The following NFKB1 variants were observed in gnomAD, a reference collection of about 807,000 sequenced individuals.
The protein encoded by NFKB1 is nuclear factor NF-kappa-B p105 subunit.
Under a neutral mutation model 105.1 loss-of-function variants are expected in NFKB1, and 9 were observed. The observed-to-expected ratio is 0.09, with a 90% CI of 0.05 to 0.15. The LOEUF (loss-of-function observed/expected upper bound fraction) is 0.15. Ranked by LOEUF, NFKB1 falls within the 10% of genes least tolerant of loss-of-function variation. NFKB1 has a pLI of 1.00. For missense variants in NFKB1, 830 were observed against 1,203.7 expected, an observed-to-expected ratio of 0.69 and a Z score of 4.59; for synonymous variants, 440 against 442.2, an observed-to-expected ratio of 1.00 and a Z score of 0.06.
chr4:102,527,156 A>G (rs1740970956), intron 2 of NFKB1, among the ~76,000 whole-genome samples: 1 of 152,198 alleles, frequency 6.6e-6, no homozygotes, highest in Non-Finnish European at 1.5e-5. Flanking sequence ...TATACACTCT[A>G]ATTTCAGGAA....
At chr4:102,575,258 A>C (rs1724721708) in intron 6 of NFKB1, among the ~76,000 whole-genome samples, 1 of 152,124 alleles carries the variant, frequency 6.6e-6, no homozygotes, top group African/African-American at 2.4e-5. Flanking sequence ...TTAGCTATCC[A>C]CTTTTTTCAT....
intron 2 of NFKB1, among the ~76,000 whole-genome samples, chr4:102,526,177 C>G (rs1215255107): frequency 6.6e-6 from 1 of 152,154 alleles, no homozygotes; most frequent in Non-Finnish European, 1.5e-5. Flanking sequence ...TGCGAAGACC[C>G]TATTTCCAAA....
At chr4:102,518,670 G>T (rs998299615) in intron 1 of NFKB1, among the ~76,000 whole-genome samples, 1 of 152,028 alleles carries the variant, frequency 6.6e-6, no homozygotes, top group Non-Finnish European at 1.5e-5. Flanking sequence ...AGTTCATCTG[G>T]CCTGGCCTGC....
chr4:102,603,279 G>A (rs1050319307), intron 16 of NFKB1, among the ~76,000 whole-genome samples: 1 of 152,052 alleles, frequency 6.6e-6, no homozygotes, highest in Non-Finnish European at 1.5e-5. Flanking sequence ...CACCATGTTG[G>A]TCTGGCTGGT....
intron 7 of NFKB1, 101 bp downstream of exon 7, chr4:102,577,140 C>G: frequency 8.2e-7 from 1 of 1,224,102 alleles, no homozygotes; most frequent in Non-Finnish European, 1.1e-6. Flanking sequence ...AGTCTCTACC[C>G]CACACTGCTG....
intron 6 of NFKB1, among the ~76,000 whole-genome samples, chr4:102,575,344 A>T (rs1202767447): frequency 6.6e-6 from 1 of 151,472 alleles, no homozygotes; most frequent in African/African-American, 2.4e-5. Context: ...TATAACTCCT[A>T]TTTTCTTCCC....
chr4:102,607,534 C>A, intron 18 of NFKB1, 115 bp from the exon 19 acceptor site: 1 of 1,230,940 alleles, frequency 8.1e-7, no homozygotes, highest in Non-Finnish European at 1.2e-6. Context: ...CAGAGCCAGC[C>A]CAAAGTAGCA....
chr4:102,600,587 C>A (rs1727061057), intron 15 of NFKB1, among the ~76,000 whole-genome samples: 1 of 152,104 alleles, frequency 6.6e-6, no homozygotes, highest in African/African-American at 2.4e-5. Context: ...GGGATTTAAG[C>A]TTAGGTCTTT....
intron 7 of NFKB1, 21 bp downstream of exon 7, chr4:102,577,060 C>G (rs772378391): frequency 6.9e-6 from 11 of 1,602,952 alleles, no homozygotes; most frequent in South Asian, 5.6e-5. Flanking sequence ...TTTTCCTGGC[C>G]TTGATCCTCC....
intron 6 of NFKB1, among the ~76,000 whole-genome samples, chr4:102,572,794 G>GA (rs765393341): frequency 5.9e-5 from 9 of 152,132 alleles, no homozygotes; most frequent in Non-Finnish European, 8.8e-5. Flanking sequence ...TTTTAAATCA[G>GA]AAAAAAGGTG....
intron 5 of NFKB1, among the ~76,000 whole-genome samples, chr4:102,546,878 A>G (rs917494562): frequency 6.6e-6 from 1 of 152,192 alleles, no homozygotes; most frequent in African/African-American, 2.4e-5. Context: ...TTGAGAATCA[A>G]TAACTACAAG....
In NFKB1 at chr4:102,606,796, T is replaced by C. The variant is rs191540634; in HGVS notation, c.1954+99T>C. ...GTGTTATTTGATTTGCACCCAAAAG[T>C]GCTTTCCTTAGTCACCTGGAGTTCA... On this transcript the variant is annotated intron_variant, in intron 17 of 23. Coordinates refer to ENST00000226574, the MANE Select transcript of NFKB1 (RefSeq NM_003998.4). The C allele has an allele frequency of 1.5e-5, 20 of 1,327,476 alleles. No individual in the cohort carries two copies. The African/African-American group carries it at 2.6e-4, about 17-fold the overall frequency. 82.2% of individuals were successfully genotyped at this position (1,327,476 alleles called of 1,614,324 possible). A position where few individuals can be genotyped will look rare whatever the true frequency, so the allele number is the denominator to read the frequency against.
At chr4:102,525,004 A>G (rs751196166) in intron 1 of NFKB1, among the ~76,000 whole-genome samples, 1 of 152,168 alleles carries the variant, frequency 6.6e-6, no homozygotes, top group Non-Finnish European at 1.5e-5. Flanking sequence ...AGCCTGGTAC[A>G]CTATAGCAGT....
chr4:102,526,896 T>C (rs1436357424), intron 2 of NFKB1, among the ~76,000 whole-genome samples: 1 of 151,768 alleles, frequency 6.6e-6, no homozygotes, highest in East Asian at 1.9e-4. Context: ...AAACCGACAT[T>C]TTCGCTTTTC....
At chr4:102,511,034 T>C in intron 1 of NFKB1, 2 of 918,394 alleles carry the variant, frequency 2.2e-6, no homozygotes, top group Non-Finnish European at 2.9e-6. Context: ...AGGGGAAGCA[T>C]TGCTTGTTTA....
At chr4:102,518,908 C>G (rs4235404) in intron 1 of NFKB1, among the ~76,000 whole-genome samples, 40,760 of 152,140 alleles carry the variant, frequency 0.27, 6,759 homozygotes, top group Admixed American at 0.41. Flanking sequence ...ATGATCATTG[C>G]AAGGCCTCTT....
rs4648061 is a variant in NFKB1 at position 102,595,040 on chromosome 4, G to C, written c.1300+59G>C. 890 of 1,206,298 alleles carry C rather than the reference G, an allele frequency of 7.4e-4. 4 individuals carry two copies. In the African/African-American group the frequency reaches 0.012, roughly 16 times the overall value. 74.7% of individuals were successfully genotyped at this position (1,206,298 alleles called of 1,614,324 possible). ...GAAAAAAATAATTAATGCTAAAAAG[G>C]GTTTTTAAAATCATTACTTATCACA... On this transcript the variant is annotated intron_variant, in intron 13 of 23. Transcript: ENST00000226574.
At chr4:102,612,844 C>T (rs958255915) in intron 22 of NFKB1, among the ~76,000 whole-genome samples, 12 of 152,080 alleles carry the variant, frequency 7.9e-5, no homozygotes, top group African/African-American at 2.7e-4. Flanking sequence ...TGTGAAAATG[C>T]TACGTAGAGG....
Position 102,601,019 on chromosome 4 carries a change from A to G in NFKB1, c.1752+10A>G, listed in dbSNP as rs772681927. The G allele has an allele frequency of 6.8e-7, 1 of 1,477,014 alleles. No homozygotes were observed. 91.5% of individuals were successfully genotyped at this position (1,477,014 alleles called of 1,614,324 possible). On this transcript the variant is annotated intron_variant, in intron 16 of 23. Transcript: ENST00000226574. ...AAATGATCTGTACCAGGTAAGCAGAAATCTCAAGAAAACAACTGAAGAAAA... is the reference window on the plus strand; with the variant it reads ...AAATGATCTGTACCAGGTAAGCAGAGATCTCAAGAAAACAACTGAAGAAAA...
Sources: allele counts gnomAD v4.1 joint callset (sites outside exome capture counted in the v4.1 genomes callset), GRCh38; gene constraint gnomAD v4.1.1; transcripts MANE v1.5; gene names NCBI Gene and HGNC (gene_info 2026-07-23, HGNC 2026-07-21).